Variants in PCDHGA11 observed in about 807,000 individuals in gnomAD.
The protein encoded by PCDHGA11 is protocadherin gamma subfamily A, 11, also known as protocadherin gamma-A11.
A neutral mutation model predicts 60.4 loss-of-function variants in PCDHGA11; 39 were observed. That is an observed-to-expected ratio of 0.65 (90% CI 0.50 to 0.84). The LOEUF (loss-of-function observed/expected upper bound fraction) is 0.84, where lower values mean the gene tolerates loss of function less well. Among genes scored for constraint, PCDHGA11 ranks in the 40% least tolerant of loss-of-function variants. The pLI is 0.00. For synonymous variants in PCDHGA11, 533 were observed against 510.3 expected (o/e 1.04, Z -0.60); for missense variants, 1,165 against 1,197.7 (o/e 0.97, Z 0.40).
In PCDHGA11 at chr5:141,511,364, T is replaced by C. The variant is rs115159796; in HGVS notation, c.*191T>C. The C allele has an allele frequency of 4.6e-4, 610 of 1,317,098 alleles. 5 individuals are homozygous for C. In the African/African-American group the frequency reaches 7.1e-3, roughly 15 times the overall value. The allele number at this position is 1,317,098 out of a possible 1,614,324, so 81.6% of individuals were successfully genotyped here. On this transcript the variant is annotated 3_prime_UTR_variant, in exon 4 of 4. Coordinates refer to ENST00000398587, the MANE Select transcript of PCDHGA11 (RefSeq NM_018914.3). ...ACCCCTTCCCCCCCAGGGGGTTGAA[T>C]ATGCAAAAGCAGTTCCGCTGGGAAC...
At position 141,432,724 on chromosome 5, in the gene PCDHGA11, C is replaced by T. The variant is rs752394602; in HGVS notation, c.2433+9064C>T. ...AGGACCACGGCCAGCCCCCTCTCTCCGCCACTGTCACGCTCACCGTGGCCG... is the reference window on the plus strand; with the variant it reads ...AGGACCACGGCCAGCCCCCTCTCTCTGCCACTGTCACGCTCACCGTGGCCG... On this transcript the variant is annotated intron_variant, in intron 1 of 3. Coordinates refer to ENST00000398587, the MANE Select transcript of PCDHGA11 (RefSeq NM_018914.3). The surrounding 1 kb of genome is among the most constrained non-coding windows in gnomAD (Gnocchi z 6.0). The T allele has an allele frequency of 8.1e-6, 13 of 1,614,066 alleles. No individual in the cohort carries two copies. Among genetic ancestry groups the T allele is most frequent in the Middle Eastern group, 1.6e-4 (1 of 6,062 alleles).
rs1025985501 is a variant in PCDHGA11 at position 141,432,385 on chromosome 5, C to G, written c.2433+8725C>G. 2.5e-6 allele frequency: 4 copies of G among 1,614,138 alleles called. No homozygotes were observed. In the African/African-American group the frequency reaches 5.3e-5, roughly 22 times the overall value. Reference sequence around the variant, plus strand: ...CGCGGGACAACGGGCACCCGCCCCTCAGCAGCAACGTGTCGTTGAGCCTGT... The same window carrying G: ...CGCGGGACAACGGGCACCCGCCCCTGAGCAGCAACGTGTCGTTGAGCCTGT... On this transcript the variant is annotated intron_variant, in intron 1 of 3. Transcript: ENST00000398587. The surrounding 1 kb of genome is among the most constrained non-coding windows in gnomAD (Gnocchi z 6.0).
chr5:141,451,978 T>A (rs1329730658), intron 1 of PCDHGA11, among the ~76,000 whole-genome samples: 1 of 152,188 alleles, frequency 6.6e-6, no homozygotes, highest in Non-Finnish European at 1.5e-5. Flanking sequence ...TTTGCTGTAG[T>A]TTGTTCATTA....
chr5:141,480,914 G>A (rs959577133), intron 1 of PCDHGA11, among the ~76,000 whole-genome samples: 18 of 151,978 alleles, frequency 1.2e-4, no homozygotes, highest in South Asian at 4.2e-4. Flanking sequence ...GCATGGTGGC[G>A]CATACCTGTA....
At chr5:141,502,951 C>G (rs1444086718) in intron 2 of PCDHGA11, among the ~76,000 whole-genome samples, 1 of 147,768 alleles carries the variant, frequency 6.8e-6, no homozygotes, top group African/African-American at 2.6e-5. Context: ...TCAAGCGATT[C>G]TCCTGCCTCA....
At position 141,487,421 on chromosome 5, in the gene PCDHGA11, C is replaced by A. The variant is rs1365581881; in HGVS notation, c.2434-7386C>A. On this transcript the variant is annotated intron_variant, in intron 1 of 3. Coordinates refer to ENST00000398587, the MANE Select transcript of PCDHGA11 (RefSeq NM_018914.3). This position sits in a 1 kb window ranked among gnomAD's most constrained non-coding sequence, Gnocchi z 5.0. ...GGGGCTTCCCCCTTCCAATGGGATC[C>A]TCCGAATCCAGCTAGGGTCAGATGA... 2 of 1,614,026 alleles carry A rather than the reference C, an allele frequency of 1.2e-6. No individual in the cohort carries two copies. Among genetic ancestry groups the A allele is most frequent in the South Asian group, 1.1e-5 (1 of 91,086 alleles).
rs1561858566 is a variant in PCDHGA11 at position 141,432,177 on chromosome 5, C to G, written c.2433+8517C>G. ...AATCCCAGAGGAGTTTCCCTCGTCTCTGTGACCGCCCACGACCCCGACTGT... is the reference window on the plus strand; with the variant it reads ...AATCCCAGAGGAGTTTCCCTCGTCTGTGTGACCGCCCACGACCCCGACTGT... On this transcript the variant is annotated intron_variant, in intron 1 of 3. Transcript: ENST00000398587. This position sits in a 1 kb window ranked among gnomAD's most constrained non-coding sequence, Gnocchi z 6.0. The G allele has an allele frequency of 6.2e-7, 1 of 1,614,220 alleles. No homozygotes were observed. Among genetic ancestry groups the G allele is most frequent in the Admixed American group, 1.7e-5 (1 of 60,032 alleles).
intron 1 of PCDHGA11, among the ~76,000 whole-genome samples, chr5:141,474,280 C>A (rs1490512371): frequency 6.6e-6 from 1 of 152,136 alleles, no homozygotes; most frequent in African/African-American, 2.4e-5. Context: ...CTCTGAATAA[C>A]CCACTAGATC....
chr5:141,421,961 A>G lies in PCDHGA11; in HGVS notation c.734A>G (p.Gln245Arg). 1 of 1,612,542 alleles carries G rather than the reference A, an allele frequency of 6.2e-7. No homozygotes were observed. The highest frequency in any genetic ancestry group is 8.5e-7 in the Non-Finnish European group (1 of 1,179,260). The change falls in exon 1 of 4, where the codon CAG (glutamine) becomes CGG (arginine). Residue 245 changes from glutamine (Q) to arginine (R), a missense_variant. By Grantham distance (43) the Gln-to-Arg change is conservative. Transcript: ENST00000398587. ...AATGATCACATCCCAATGTTTACAC[A>G]GTCCGTATATCGCGTGAGTGTTCCA... ...DVNDHIPMFT[Q>R]SVYRVSVPEN... is the part of the protein sequence containing the mutation.
chr5:141,452,844 C>T (rs1239022315), intron 1 of PCDHGA11, among the ~76,000 whole-genome samples: 1 of 152,204 alleles, frequency 6.6e-6, no homozygotes, highest in Non-Finnish European at 1.5e-5. Context: ...CCAGCCCACA[C>T]TCTGGGGAGA....
chr5:141,458,702 T>G (rs1333580253), intron 1 of PCDHGA11, among the ~76,000 whole-genome samples: 1 of 152,102 alleles, frequency 6.6e-6, no homozygotes, highest in East Asian at 1.9e-4. Context: ...CCCGAGTAGC[T>G]GGGATTACAG....
chr5:141,483,833 G>A (rs964111814), intron 1 of PCDHGA11, among the ~76,000 whole-genome samples: 1 of 152,116 alleles, frequency 6.6e-6, no homozygotes, highest in Admixed American at 6.5e-5. Flanking sequence ...CCTAGGTAAG[G>A]ACTTGGTTGA....
intron 1 of PCDHGA11, among the ~76,000 whole-genome samples, chr5:141,453,315 T>A (rs1410108522): frequency 6.6e-6 from 1 of 151,214 alleles, no homozygotes; most frequent in African/African-American, 2.5e-5. Context: ...TTATTTATTT[T>A]AGAGATGGGG....
At position 141,421,616 on chromosome 5, in the gene PCDHGA11, AC is replaced by A; in HGVS notation, c.390del (p.Asn130LysfsTer12). On this transcript the variant is annotated frameshift_variant, in exon 1 of 4. Coordinates refer to ENST00000398587, the MANE Select transcript of PCDHGA11 (RefSeq NM_018914.3). LOFTEE classifies it high-confidence loss of function. ...GTGGAAATAATAGATATTAATGATA[AC>A]GCCCCCAGCTTCCAGGAGGACGAAG... ...VEVEIIDIND[N>X]APSFQEDEVE... 1 of 1,613,792 alleles carries A rather than the reference AC, an allele frequency of 6.2e-7. No individual in the cohort carries two copies. The highest frequency in any genetic ancestry group is 8.5e-7 in the Non-Finnish European group (1 of 1,179,806).
At chr5:141,507,429 G>C (rs1191174823) in intron 3 of PCDHGA11, 3 of 152,238 alleles carry the variant, frequency 2.0e-5, no homozygotes, top group African/African-American at 7.2e-5. Flanking sequence ...AGTGGGGCCA[G>C]GCCTACAGCT....
In PCDHGA11 at chr5:141,486,866, G is replaced by A; in HGVS notation, c.2434-7941G>A. Reference sequence around the variant, plus strand: ...GGACCTCAATGACAATGCTCCAGCTGTGCTCCGTCCTCGGGCCCGGCCTGG... The same window carrying A: ...GGACCTCAATGACAATGCTCCAGCTATGCTCCGTCCTCGGGCCCGGCCTGG... On this transcript the variant is annotated intron_variant, in intron 1 of 3. Transcript: ENST00000398587. The surrounding 1 kb of genome is among the most constrained non-coding windows in gnomAD (Gnocchi z 5.0). 6.2e-7 allele frequency: 1 copy of A among 1,614,202 alleles called. No homozygotes were observed. The highest frequency in any genetic ancestry group is 8.5e-7 in the Non-Finnish European group (1 of 1,180,038).
chr5:141,440,401 C>T (rs1023628115), intron 1 of PCDHGA11: 4 of 152,088 alleles, frequency 2.6e-5, no homozygotes, highest in African/African-American at 7.3e-5. Context: ...GAGAGGCAAT[C>T]GCACCACTGC....
chr5:141,435,897 A>G (rs1206255678), intron 1 of PCDHGA11, among the ~76,000 whole-genome samples: 2 of 152,166 alleles, frequency 1.3e-5, no homozygotes, highest in East Asian at 1.9e-4. Context: ...TAGAGAATGA[A>G]AGACATCCAA....
At chr5:141,446,129 A>C (rs1488078150) in intron 1 of PCDHGA11, among the ~76,000 whole-genome samples, 1 of 152,204 alleles carries the variant, frequency 6.6e-6, no homozygotes, top group Non-Finnish European at 1.5e-5. Flanking sequence ...GTTCAATAAG[A>C]CTTAATAATG....
Sources: allele counts gnomAD v4.1 joint callset (sites outside exome capture counted in the v4.1 genomes callset), GRCh38; gene constraint gnomAD v4.1.1; non-coding constraint Gnocchi (gnomAD v3.1); transcripts MANE v1.5; gene names NCBI Gene and HGNC (gene_info 2026-07-23, HGNC 2026-07-21).